MOCOS: variants seen among roughly 807,000 people sequenced by gnomAD.
MOCOS encodes human molybdenum cofactor sulfurase.
A neutral mutation model predicts 83.6 loss-of-function variants in MOCOS; 86 were observed. The observed-to-expected ratio is 1.03, with a 90% confidence interval of 0.86 to 1.23. MOCOS has a LOEUF of 1.23. Among genes scored for constraint, MOCOS ranks in the 50% most tolerant of loss-of-function variants. MOCOS has a pLI of 0.00. For synonymous variants in MOCOS, 445 were observed against 434.7 expected (o/e 1.02, Z -0.29); for missense variants, 1,120 against 1,126.9 (o/e 0.99, Z 0.09).
intron 9 of MOCOS, among the ~76,000 whole-genome samples, chr18:36,229,243 G>C (rs9964802): frequency 1.3e-5 from 2 of 151,806 alleles, no homozygotes; most frequent in African/African-American, 4.8e-5. Flanking sequence ...TATAAATCAG[G>C]TCTAGTAGTG....
intron 9 of MOCOS, among the ~76,000 whole-genome samples, chr18:36,247,397 C>G (rs1260664291): frequency 6.6e-6 from 1 of 152,212 alleles, no homozygotes; most frequent in Admixed American, 6.5e-5. Context: ...CTTCTGCATT[C>G]TACTTAGGAA....
chr18:36,216,267 T>C lies in MOCOS; in HGVS notation c.1797+290T>C, dbSNP rs531700024. The stretch of plus-strand genomic sequence containing the variant: ...GCTGGCTGTGTGCTGAAGCATTGTA[T>C]GTGTTTATTTGTTTCATTTGATCCT... On this transcript the variant is annotated intron_variant, in intron 8 of 14. Coordinates refer to ENST00000261326, the MANE Select transcript of MOCOS (RefSeq NM_017947.4). 3.3e-5 allele frequency among the ~76,000 whole-genome samples: 5 copies of C among 152,320 alleles called. No homozygotes were observed. In the South Asian group the frequency reaches 1.0e-3, roughly 32 times the overall value.
intron 11 of MOCOS, among the ~76,000 whole-genome samples, chr18:36,253,778 T>G (rs1181957593): frequency 6.7e-6 from 1 of 149,508 alleles, no homozygotes; most frequent in Non-Finnish European, 1.5e-5. Context: ...GTTTAGAGGG[T>G]CAGATGTGAG....
Position 36,261,538 on chromosome 18 carries a change from C to A in MOCOS, c.2409+1363C>A, listed in dbSNP as rs533496162. 3.3e-4 allele frequency among the ~76,000 whole-genome samples: 51 copies of A among 152,272 alleles called. No homozygotes were observed. In the South Asian group the frequency reaches 9.5e-3, roughly 28 times the overall value. On this transcript the variant is annotated intron_variant, in intron 13 of 14. Transcript: ENST00000261326. ...AACACCACTCTAACATCTAGGAAAGCAGTAAACAGTCATTTGAATCTTTAT... is the reference window on the plus strand; with the variant it reads ...AACACCACTCTAACATCTAGGAAAGAAGTAAACAGTCATTTGAATCTTTAT...
intron 14 of MOCOS, 38 bp downstream of exon 14, chr18:36,266,891 TC>T (rs765797652): frequency 4.2e-5 from 63 of 1,514,206 alleles, no homozygotes; most frequent in Non-Finnish European, 3.7e-6. Flanking sequence ...TGGTTTCCAA[TC>T]CTGGTGTTAT....
chr18:36,212,265 T>C (rs1271239871), intron 6 of MOCOS, among the ~76,000 whole-genome samples: 1 of 152,172 alleles, frequency 6.6e-6, no homozygotes, highest in Non-Finnish European at 1.5e-5. Context: ...CATAAAATGG[T>C]TGTTGTTTTA....
intron 9 of MOCOS, among the ~76,000 whole-genome samples, chr18:36,246,927 C>A (rs1452678185): frequency 6.6e-6 from 1 of 152,002 alleles, no homozygotes; most frequent in African/African-American, 2.4e-5. Context: ...TCCCAAGAGA[C>A]CATGTCATTT....
At chr18:36,244,318 G>T (rs548807618) in intron 9 of MOCOS, among the ~76,000 whole-genome samples, 43 of 152,162 alleles carry the variant, frequency 2.8e-4, no homozygotes, top group African/African-American at 9.1e-4. Flanking sequence ...GTGATTGGTT[G>T]TGTCACTGTT....
At chr18:36,232,723 T>C (rs1293897965) in intron 9 of MOCOS, among the ~76,000 whole-genome samples, 4 of 152,138 alleles carry the variant, frequency 2.6e-5, no homozygotes, top group Non-Finnish European at 5.9e-5. Context: ...AATTCCCACA[T>C]ATGAGTGAGA....
rs2144166383 is a variant in MOCOS at position 36,271,222 on chromosome 18, A to G, written c.*2537A>G. The G allele has an allele frequency of 6.6e-6, 1 of 152,292 alleles. No individual in the cohort carries two copies. The highest frequency in any genetic ancestry group is 2.1e-4 in the South Asian group (1 of 4,816). The allele number at this position is 152,292 out of a possible 1,614,324, so 9.4% of individuals were successfully genotyped here. On this transcript the variant is annotated 3_prime_UTR_variant, in exon 15 of 15. Transcript: ENST00000261326. ...ACTGATTTAACATTGATCTGTTTTC[A>G]CTAGACTGTAAGCTCCATGAGGACA... is the stretch of plus-strand genomic sequence containing the variant.
intron 14 of MOCOS, 139 bp downstream of exon 14, chr18:36,266,992 C>T: frequency 2.7e-6 from 2 of 736,582 alleles, no homozygotes; most frequent in Non-Finnish European, 4.7e-6. Context: ...CTGCCATTAA[C>T]CTATCCTTGT....
chr18:36,222,236 T>G (rs948338304), intron 9 of MOCOS, among the ~76,000 whole-genome samples: 1 of 152,220 alleles, frequency 6.6e-6, no homozygotes, highest in Non-Finnish European at 1.5e-5. Flanking sequence ...GAAATTATTT[T>G]GGATAAGTAC....
chr18:36,214,798 G>C lies in MOCOS; in HGVS notation c.1336-718G>C, dbSNP rs73430996. On this transcript the variant is annotated intron_variant, in intron 7 of 14. Coordinates refer to ENST00000261326, the MANE Select transcript of MOCOS (RefSeq NM_017947.4). Reference sequence around the variant, plus strand: ...GAGGGAGGCTCAGAACACAAACACAGCTCCAGATAGAATATTTGGTCCTAT... The same window carrying C: ...GAGGGAGGCTCAGAACACAAACACACCTCCAGATAGAATATTTGGTCCTAT... 4.4e-3 allele frequency among the ~76,000 whole-genome samples: 668 copies of C among 152,274 alleles called. 6 individuals are homozygous for C. The highest frequency in any genetic ancestry group is 0.015 in the African/African-American group (625 of 41,546).
intron 9 of MOCOS, among the ~76,000 whole-genome samples, chr18:36,225,243 C>T (rs1250443795): frequency 6.6e-6 from 1 of 152,136 alleles, no homozygotes; most frequent in Non-Finnish European, 1.5e-5. Flanking sequence ...CCTCCGCCTC[C>T]TGGGTTCAAG....
chr18:36,259,888 A>AATTTTTT, intron 12 of MOCOS, 149 bp from the exon 13 acceptor site: 1 of 1,119,542 alleles, frequency 8.9e-7, no homozygotes, highest in East Asian at 2.4e-5. Flanking sequence ...CCTTGCACTC[A>AATTTTTT]TGGTAAAAGT....
intron 9 of MOCOS, among the ~76,000 whole-genome samples, chr18:36,232,155 A>G (rs1423702603): frequency 6.6e-6 from 1 of 152,014 alleles, no homozygotes; most frequent in Non-Finnish European, 1.5e-5. Flanking sequence ...TGATATTTTC[A>G]GTAGAGATGG....
intron 9 of MOCOS, among the ~76,000 whole-genome samples, chr18:36,238,899 T>G (rs1467175833): frequency 6.8e-6 from 1 of 146,438 alleles, no homozygotes; most frequent in East Asian, 2.0e-4. Context: ...TGGCCTTCTT[T>G]GTCTCTTTTG....
Position 36,220,123 on chromosome 18 carries a change from T to C in MOCOS, c.1866T>C (p.Asn622=), listed in dbSNP as rs1457294187. Residue 622 remains asparagine, a synonymous_variant, in exon 9 of 15, where the codon AAT becomes AAC. Transcript: ENST00000261326. ...GGAGCTGGATGGTTGTGAATCACAA[T>C]GGTGTTTGCCTGAGTCAGAAGCAGG... ...YDRSWMVVNH[N]GVCLSQKQEP... 2 of 1,614,048 alleles carry C rather than the reference T, an allele frequency of 1.2e-6. No individual in the cohort carries two copies. The highest frequency in any genetic ancestry group is 2.2e-5 in the East Asian group (1 of 44,868).
At chr18:36,209,315 A>G (rs893995344) in intron 6 of MOCOS, among the ~76,000 whole-genome samples, 2 of 152,014 alleles carry the variant, frequency 1.3e-5, no homozygotes, top group Non-Finnish European at 1.5e-5. Flanking sequence ...AGTAGCTGGG[A>G]CTACAGGAAC....
Sources: gnomAD v4.1 joint callset for allele counts (sites outside exome capture counted in the v4.1 genomes callset) on GRCh38, gnomAD v4.1.1 for gene constraint, MANE v1.5 for transcripts, NCBI Gene and HGNC (gene_info 2026-07-23, HGNC 2026-07-21) for gene names.